OSBPL5: variants seen among roughly 807,000 people sequenced by gnomAD.
OSBPL5 encodes the protein oxysterol binding protein like 5, also known as oxysterol-binding protein-related protein 5.
In OSBPL5, 71 loss-of-function variants were observed where a neutral mutation model predicts 111.2. The observed-to-expected ratio is 0.64, with a 90% CI of 0.53 to 0.78. OSBPL5 has a LOEUF of 0.78. Ranked by LOEUF, OSBPL5 falls within the 30% of genes least tolerant of loss-of-function variation. The pLI, the probability that OSBPL5 is intolerant of heterozygous loss-of-function variation, is 0.00. For missense variants in OSBPL5, 1,210 were observed against 1,189.3 expected, an observed-to-expected ratio of 1.02 and a Z score of -0.26; for synonymous variants, 549 against 513.9, an observed-to-expected ratio of 1.07 and a Z score of -0.93.
Position 3,104,228 on chromosome 11 carries a change from G to A in OSBPL5, c.1209C>T (p.Leu403=), listed in dbSNP as rs747124317. 4.3e-6 allele frequency: 7 copies of A among 1,612,624 alleles called. No homozygotes were observed. Among genetic ancestry groups the A allele is most frequent in the Non-Finnish European group, 5.1e-6 (6 of 1,178,982 alleles). The change falls in exon 10 of 22, where the codon CTC becomes CTT. Residue 403 remains leucine (L), a synonymous_variant. Transcript: ENST00000263650. The surrounding 1 kb of genome is among the most constrained non-coding windows in gnomAD (Gnocchi z 5.0). ...GGTCTGCGTGGTAGTAGTAGTCGGA[G>A]AGCTTGTTCAGGAAGGAGCGCGGCT... ...VLEPRSFLNK[L]SDYYYHADLL...
At chr11:3,101,751 G>A in intron 12 of OSBPL5, 52 bp from the exon 13 acceptor site, 1 of 1,466,838 alleles carries the variant, frequency 6.8e-7, no homozygotes, top group Non-Finnish European at 9.5e-7. Context: ...GGTAATCCCA[G>A]GAAGCGAGAG....
intron 2 of OSBPL5, among the ~76,000 whole-genome samples, chr11:3,127,553 T>C (rs1858670862): frequency 6.6e-6 from 1 of 152,088 alleles, no homozygotes; most frequent in Non-Finnish European, 1.5e-5. Context: ...CAGTGGCTGC[T>C]CCCCCACCTG....
rs1357982014 is a variant in OSBPL5 at position 3,106,633 on chromosome 11, C to T, written c.1059+630G>A. ...CACCGCCTGCTGCCTCCCTTGAGCT[C>T]GTGCGCTGGTGGTCCTTCTTCTTGG... is the stretch of plus-strand genomic sequence containing the variant. On this transcript the variant is annotated intron_variant, in intron 9 of 21. Transcript: ENST00000263650. The surrounding 1 kb of genome is among the most constrained non-coding windows in gnomAD (Gnocchi z 8.4). Among the ~76,000 whole-genome samples the T allele has an allele frequency of 6.6e-6, 1 of 152,236 alleles. No individual in the cohort carries two copies. Among genetic ancestry groups the T allele is most frequent in the Non-Finnish European group, 1.5e-5 (1 of 68,036 alleles).
intron 7 of OSBPL5, among the ~76,000 whole-genome samples, chr11:3,117,206 A>G (rs1284177817): frequency 6.6e-6 from 1 of 152,188 alleles, no homozygotes; most frequent in African/African-American, 2.4e-5. Flanking sequence ...CTCAAACTTG[A>G]CTTATGGAAC....
chr11:3,153,804 G>A (rs1846664150), intron 1 of OSBPL5, among the ~76,000 whole-genome samples: 1 of 152,284 alleles, frequency 6.6e-6, no homozygotes, highest in South Asian at 2.1e-4. Context: ...ACCAGGCCCG[G>A]CTGCGGGTGA....
chr11:3,098,632 A>T (rs1032760642), intron 14 of OSBPL5, among the ~76,000 whole-genome samples: 2 of 149,662 alleles, frequency 1.3e-5, no homozygotes, highest in African/African-American at 5.0e-5. Flanking sequence ...CAGCCTCCTG[A>T]GTAGCTGGGA....
intron 1 of OSBPL5, among the ~76,000 whole-genome samples, chr11:3,163,142 G>A (rs1160379967): frequency 2.0e-5 from 3 of 152,148 alleles, no homozygotes; most frequent in Admixed American, 6.5e-5. Context: ...AGGCCTCTCC[G>A]GGAGAACCCT....
At chr11:3,123,097 T>C (rs1406386151) in intron 3 of OSBPL5, among the ~76,000 whole-genome samples, 1 of 152,158 alleles carries the variant, frequency 6.6e-6, no homozygotes, top group African/African-American at 2.4e-5. Flanking sequence ...CAGAGGTCAC[T>C]GTCCAGGTCC....
rs1858743989 is a variant in OSBPL5 at position 3,129,240 on chromosome 11, GT to G, written c.-21-72del. On this transcript the variant is annotated intron_variant, in intron 1 of 21. Transcript: ENST00000263650. ...GGGGCTTCAGAGCCACATGGTGGGG[GT>G]GCCCCTGGCTAAGAAGTCCCCCTCT... 8.3e-6 allele frequency: 11 copies of G among 1,317,572 alleles called. No homozygotes were observed. The Admixed American group carries it at 3.3e-4, about 40-fold the overall frequency. 81.6% of individuals were successfully genotyped at this position (1,317,572 alleles called of 1,614,324 possible). A position where few individuals can be genotyped will look rare whatever the true frequency, so the allele number is the denominator to read the frequency against.
intron 1 of OSBPL5, among the ~76,000 whole-genome samples, chr11:3,134,090 G>A (rs1466836516): frequency 6.6e-6 from 1 of 152,174 alleles, no homozygotes; most frequent in East Asian, 1.9e-4. Context: ...GGCGACAGGT[G>A]GGCCCGGAAG....
chr11:3,112,478 C>CT (rs559601032), intron 7 of OSBPL5, among the ~76,000 whole-genome samples: 37,671 of 108,694 alleles, frequency 0.35, 5,984 homozygotes, highest in African/African-American at 0.51. Context: ...GTTTTCTTTT[C>CT]TTTTTTTTTT....
At chr11:3,103,766 CCCCTTCCA>C (rs1564829988) in intron 10 of OSBPL5, among the ~76,000 whole-genome samples, 4 of 82,946 alleles carry the variant, frequency 4.8e-5, no homozygotes, top group Non-Finnish European at 1.1e-4. Flanking sequence ...GCTCTGCAGC[CCCCTTCCA>C]GCCTCTGCAG....
intron 7 of OSBPL5, among the ~76,000 whole-genome samples, chr11:3,108,356 C>T (rs577603842): frequency 1.3e-5 from 2 of 152,332 alleles, no homozygotes; most frequent in South Asian, 4.1e-4. Context: ...CAGCCTCCCA[C>T]CCTGATGGCC....
chr11:3,154,399 G>A lies in OSBPL5; in HGVS notation c.-22+10817C>T, dbSNP rs1437870378. Among the ~76,000 whole-genome samples the A allele has an allele frequency of 6.6e-6, 1 of 152,262 alleles. No individual in the cohort carries two copies. Among genetic ancestry groups the A allele is most frequent in the Non-Finnish European group, 1.5e-5 (1 of 68,044 alleles). ...GCTGACGGCGTGTGGCACAGGCGGGGTGAGCCCGGAAGGGTGAGCATGCGC... is the reference window on the plus strand; with the variant it reads ...GCTGACGGCGTGTGGCACAGGCGGGATGAGCCCGGAAGGGTGAGCATGCGC... On this transcript the variant is annotated intron_variant, in intron 1 of 21. Coordinates refer to ENST00000263650, the MANE Select transcript of OSBPL5 (RefSeq NM_020896.4). The surrounding 1 kb of genome is among the most constrained non-coding windows in gnomAD (Gnocchi z 4.9).
chr11:3,120,870 G>C (rs1340190213), intron 5 of OSBPL5, among the ~76,000 whole-genome samples: 3 of 152,250 alleles, frequency 2.0e-5, no homozygotes, highest in Non-Finnish European at 4.4e-5. Context: ...CCAGGACTCA[G>C]AGTGGAACTC....
Position 3,129,060 on chromosome 11 carries a change from C to A in OSBPL5, c.89G>T (p.Arg30Leu). Residue 30 changes from arginine to leucine, a missense_variant, in exon 2 of 22, where the codon CGG becomes CTG. Transcript: ENST00000263650. The part of the protein sequence containing the change: ...PQKVDPRKLT[R>L]NLLLSGDNEL... ...ATTGTCTCCGCTGAGGAGCAAGTTC[C>A]GGGTGAGCTTCCGGGGGTCGACTTT... 1 of 1,586,452 alleles carries A rather than the reference C, an allele frequency of 6.3e-7. No homozygotes were observed. Among genetic ancestry groups the A allele is most frequent in the Non-Finnish European group, 8.6e-7 (1 of 1,167,114 alleles).
chr11:3,098,808 ATTTT>A (rs112915657), intron 14 of OSBPL5, among the ~76,000 whole-genome samples: 6 of 139,924 alleles, frequency 4.3e-5, no homozygotes, highest in Admixed American at 1.4e-4. Context: ...CCCAGCAAAG[ATTTT>A]TTTTTTTTTT....
intron 1 of OSBPL5, among the ~76,000 whole-genome samples, chr11:3,153,497 G>C (rs561475958): frequency 5.3e-4 from 80 of 152,294 alleles, no homozygotes; most frequent in Admixed American, 1.8e-3. Flanking sequence ...GGCTGCCTGA[G>C]GTCACAAATT....
chr11:3,127,960 A>G (rs1221879663), intron 2 of OSBPL5, among the ~76,000 whole-genome samples: 1 of 152,212 alleles, frequency 6.6e-6, no homozygotes, highest in Non-Finnish European at 1.5e-5. Context: ...ACTGACCAGC[A>G]GCTGGGACCC....
Sources: allele counts gnomAD v4.1 joint callset (sites outside exome capture counted in the v4.1 genomes callset), GRCh38; gene constraint gnomAD v4.1.1; non-coding constraint Gnocchi (gnomAD v3.1); transcripts MANE v1.5; gene names NCBI Gene and HGNC (gene_info 2026-07-23, HGNC 2026-07-21).